The following ROBO1 variants were observed in gnomAD, a reference collection of about 807,000 sequenced individuals.
The protein encoded by ROBO1 is roundabout guidance receptor 1.
ROBO1 carries 149 observed loss-of-function variants against 195.9 expected under a neutral mutation model. The ratio of observed to expected loss-of-function variants is 0.76; its 90% confidence interval spans 0.67 to 0.87. ROBO1 has a LOEUF of 0.87. Among genes scored for constraint, ROBO1 ranks in the 40% least tolerant of loss-of-function variants. ROBO1 has a pLI of 0.00. For synonymous variants in ROBO1, 816 were observed against 733.2 expected (o/e 1.11, Z -1.82); for missense variants, 1,933 against 2,068.3 (o/e 0.93, Z 1.27).
intron 2 of ROBO1, among the ~76,000 whole-genome samples, chr3:79,334,911 G>C (rs1456207665): frequency 4.0e-5 from 6 of 151,814 alleles, no homozygotes; most frequent in Non-Finnish European, 7.4e-5. Context: ...TTTGAGACCA[G>C]CCTGGCCAAT....
intron 10 of ROBO1, among the ~76,000 whole-genome samples, chr3:78,674,059 T>C (rs1708253737): frequency 1.3e-5 from 2 of 152,308 alleles, no homozygotes; most frequent in Admixed American, 6.5e-5. Flanking sequence ...CTTTGCACTA[T>C]GTATCTATAA....
At chr3:78,862,411 C>T (rs1386900284) in intron 4 of ROBO1, among the ~76,000 whole-genome samples, 2 of 152,118 alleles carry the variant, frequency 1.3e-5, no homozygotes, top group East Asian at 1.9e-4. Flanking sequence ...GAATAAGGAA[C>T]GCAGCCCTAT....
chr3:79,766,376 T>G (rs1273779559), intron 1 of ROBO1, among the ~76,000 whole-genome samples: 1 of 151,142 alleles, frequency 6.6e-6, no homozygotes, highest in Non-Finnish European at 1.5e-5. Flanking sequence ...GATATTTGAG[T>G]AGTGGGAGCT....
In ROBO1 at chr3:79,289,982, T is replaced by G. The variant is rs145041928; in HGVS notation, c.89-164443A>C. Among the ~76,000 whole-genome samples, 381 of 152,206 alleles carry G rather than the reference T, an allele frequency of 2.5e-3. 4 individuals carry two copies. The highest frequency in any genetic ancestry group is 7.9e-3 in the African/African-American group (329 of 41,538). On this transcript the variant is annotated intron_variant, in intron 2 of 30. Transcript: ENST00000464233. ...CAGAAGAACAAAAAAAAAATTGACC[T>G]TGAAATCCTAATGGAATAATCAACC... is the stretch of plus-strand genomic sequence containing the variant.
At chr3:79,206,234 G>C (rs1317962728) in intron 2 of ROBO1, among the ~76,000 whole-genome samples, 1 of 152,068 alleles carries the variant, frequency 6.6e-6, no homozygotes, top group Non-Finnish European at 1.5e-5. Context: ...CAGATTGACT[G>C]TCATGGGATT....
intron 2 of ROBO1, among the ~76,000 whole-genome samples, chr3:79,400,395 C>A (rs532709551): frequency 6.6e-6 from 1 of 151,966 alleles, no homozygotes; most frequent in South Asian, 2.1e-4. Flanking sequence ...ACAAATTTAG[C>A]GTATGGATTC....
intron 2 of ROBO1, among the ~76,000 whole-genome samples, chr3:79,391,030 C>G (rs1235128645): frequency 4.6e-5 from 7 of 151,210 alleles, no homozygotes; most frequent in Non-Finnish European, 1.0e-4. Context: ...GATGGTGGCT[C>G]ATGCCTGTAA....
intron 3 of ROBO1, among the ~76,000 whole-genome samples, chr3:78,999,367 G>A (rs1900663): frequency 0.98 from 149,746 of 152,266 alleles, 73,650 homozygotes; most frequent in East Asian, 1. Flanking sequence ...CAGCCATAAA[G>A]AAGCATGAAA....
At chr3:79,272,123 G>C (rs542589003) in intron 2 of ROBO1, among the ~76,000 whole-genome samples, 63 of 152,132 alleles carry the variant, frequency 4.1e-4, no homozygotes, top group African/African-American at 1.5e-3. Context: ...CTGAGCACCT[G>C]TAATGTGCCA....
intron 4 of ROBO1, among the ~76,000 whole-genome samples, chr3:78,749,152 T>G (rs768371927): frequency 2.0e-5 from 3 of 152,150 alleles, no homozygotes; most frequent in African/African-American, 2.4e-5. Flanking sequence ...TATTAATCAA[T>G]GATAACATCT....
chr3:79,071,383 T>C (rs1048152870), intron 3 of ROBO1, among the ~76,000 whole-genome samples: 2 of 151,828 alleles, frequency 1.3e-5, no homozygotes, highest in African/African-American at 4.8e-5. Flanking sequence ...AGGTTTTATG[T>C]ATATTTTTGG....
chr3:79,282,307 G>A (rs928522789), intron 2 of ROBO1, among the ~76,000 whole-genome samples: 17 of 152,138 alleles, frequency 1.1e-4, no homozygotes, highest in African/African-American at 4.1e-4. Flanking sequence ...ACCAAAAAAA[G>A]AACCCTCCTC....
intron 3 of ROBO1, among the ~76,000 whole-genome samples, chr3:79,037,082 T>C (rs1024356256): frequency 1.3e-5 from 2 of 152,110 alleles, no homozygotes; most frequent in African/African-American, 4.8e-5. Flanking sequence ...CCTAACAAAG[T>C]TGAGAAACTG....
In ROBO1 at chr3:79,589,950, A is replaced by G. The variant is rs189542594; in HGVS notation, c.-39T>C. ...TTGCATTACAACCAGCCAGTGACAG[A>G]CAATGTGTTATCTGGGGAGATTAAA... On this transcript the variant is annotated 5_prime_UTR_variant, in exon 2 of 31. Transcript: ENST00000464233. 25 of 1,399,224 alleles carry G rather than the reference A, an allele frequency of 1.8e-5. No individual in the cohort carries two copies. In the East Asian group the frequency reaches 2.5e-4, roughly 14 times the overall value. 86.7% of individuals were successfully genotyped at this position (1,399,224 alleles called of 1,614,324 possible).
intron 4 of ROBO1, among the ~76,000 whole-genome samples, chr3:78,877,058 C>T (rs773988806): frequency 1.3e-5 from 2 of 151,978 alleles, no homozygotes; most frequent in Non-Finnish European, 1.5e-5. Flanking sequence ...CTAGATCCAG[C>T]GACCTACAAC....
At chr3:79,479,192 C>G (rs1172817796) in intron 2 of ROBO1, among the ~76,000 whole-genome samples, 4 of 152,070 alleles carry the variant, frequency 2.6e-5, no homozygotes, top group Non-Finnish European at 5.9e-5. Context: ...AGCAGTGGTC[C>G]CCAACCTTTT....
At chr3:79,472,693 T>C (rs560783994) in intron 2 of ROBO1, among the ~76,000 whole-genome samples, 130 of 152,282 alleles carry the variant, frequency 8.5e-4, no homozygotes, top group South Asian at 2.3e-3. Context: ...TGTCATTAAA[T>C]TACTACAGAT....
chr3:79,029,724 T>C (rs1369740908), intron 3 of ROBO1, among the ~76,000 whole-genome samples: 3 of 152,236 alleles, frequency 2.0e-5, no homozygotes. Context: ...CTCCAATTTA[T>C]CTTTTAAGTT....
intron 4 of ROBO1, among the ~76,000 whole-genome samples, chr3:78,810,036 G>A (rs925930227): frequency 6.6e-6 from 1 of 150,714 alleles, no homozygotes; most frequent in Admixed American, 6.6e-5. Context: ...TCATAATTCA[G>A]TGTTCATGTT....
Sources: gnomAD v4.1 joint callset for allele counts (sites outside exome capture counted in the v4.1 genomes callset) on GRCh38, gnomAD v4.1.1 for gene constraint, MANE v1.5 for transcripts, NCBI Gene and HGNC (gene_info 2026-07-23, HGNC 2026-07-21) for gene names.